The following SESN1 variants were observed in gnomAD, a reference collection of about 807,000 sequenced individuals.
SESN1 encodes the protein sestrin-1.
In SESN1, 30 loss-of-function variants were observed where a neutral mutation model predicts 59.3. The observed-to-expected ratio is 0.51, with a 90% CI of 0.38 to 0.69. The LOEUF is 0.69. Among genes scored for constraint, SESN1 ranks in the 30% least tolerant of loss-of-function variants. The pLI, the probability that SESN1 is intolerant of heterozygous loss-of-function variation, is 0.00. For synonymous variants in SESN1, 197 were observed against 219.9 expected, an observed-to-expected ratio of 0.90 and a Z score of 0.92; for missense variants, 566 against 673.0, an observed-to-expected ratio of 0.84 and a Z score of 1.76.
At chr6:108,999,316 CCTTA>C (rs749873568) in intron 4 of SESN1, among the ~76,000 whole-genome samples, 50 of 151,994 alleles carry the variant, frequency 3.3e-4, no homozygotes, top group African/African-American at 1.0e-3. Context: ...TATAATTTTT[CCTTA>C]CTTGACAATA....
At chr6:109,091,303 G>A (rs1781314206) in intron 1 of SESN1, among the ~76,000 whole-genome samples, 1 of 152,182 alleles carries the variant, frequency 6.6e-6, no homozygotes, top group Non-Finnish European at 1.5e-5. Flanking sequence ...CATAGCCTAG[G>A]TGTGTAGTAT....
intron 1 of SESN1, among the ~76,000 whole-genome samples, chr6:109,063,052 GTA>G (rs1424810646): frequency 2.0e-5 from 3 of 152,142 alleles, no homozygotes; most frequent in Admixed American, 2.0e-4. Flanking sequence ...ATGTCTGAAA[GTA>G]TACCAAACGA....
chr6:109,009,448 C>A, intron 1 of SESN1: 1 of 1,339,186 alleles, frequency 7.5e-7, no homozygotes, highest in South Asian at 1.9e-5. Context: ...TTCGCGGCGG[C>A]GGCCAAGCGC....
intron 1 of SESN1, among the ~76,000 whole-genome samples, chr6:109,089,642 C>T (rs1438255460): frequency 1.3e-5 from 2 of 152,172 alleles, no homozygotes; most frequent in African/African-American, 2.4e-5. Flanking sequence ...AATTGACCCC[C>T]TGCCACTCTT....
chr6:109,037,285 T>G (rs964761408), intron 1 of SESN1, among the ~76,000 whole-genome samples: 13 of 152,190 alleles, frequency 8.5e-5, no homozygotes, highest in African/African-American at 3.1e-4. Context: ...AAAAATTTTG[T>G]TTTTTCTCTT....
In SESN1 at chr6:109,061,188, T is replaced by C. The variant is rs1780724848; in HGVS notation, c.279+32607A>G. 2.0e-5 allele frequency among the ~76,000 whole-genome samples: 3 copies of C among 152,110 alleles called. No homozygotes were observed. The South Asian group carries it at 6.2e-4, about 31-fold the overall frequency. On this transcript the variant is annotated intron_variant, in intron 1 of 9. Coordinates refer to ENST00000436639, the MANE Select transcript of SESN1 (RefSeq NM_014454.3). ...GTTACTCTTAATTTTATATTTCCCT[T>C]AGGAAAAAAGAACAATGTACTAATA...
At chr6:109,086,244 G>A (rs767599547) in intron 1 of SESN1, among the ~76,000 whole-genome samples, 1 of 151,976 alleles carries the variant, frequency 6.6e-6, no homozygotes, top group East Asian at 1.9e-4. Context: ...CCAGCTACTC[G>A]GGAGGCTGAG....
chr6:109,011,050 G>A (rs1217645945), intron 1 of SESN1, among the ~76,000 whole-genome samples: 1 of 152,200 alleles, frequency 6.6e-6, no homozygotes, highest in Non-Finnish European at 1.5e-5. Context: ...GTTGAGGTAT[G>A]ATTTTATTTC....
At chr6:109,077,016 T>C (rs1781041985) in intron 1 of SESN1, among the ~76,000 whole-genome samples, 1 of 152,236 alleles carries the variant, frequency 6.6e-6, no homozygotes, top group Admixed American at 6.5e-5. Context: ...CGAACTTCTA[T>C]AGCATGTTGC....
At chr6:109,009,061 T>C in intron 1 of SESN1, 7 of 946,320 alleles carry the variant, frequency 7.4e-6, no homozygotes, top group Non-Finnish European at 8.0e-6. Flanking sequence ...ATTTACGTAT[T>C]GGAGACTTTC....
intron 9 of SESN1, 62 bp from the exon 10 acceptor site, chr6:108,987,692 G>A (rs576569973): frequency 9.1e-6 from 8 of 881,898 alleles, no homozygotes; most frequent in East Asian, 2.4e-5. Flanking sequence ...CAGTTTTTCA[G>A]TGAATCTAAT....
At chr6:109,006,438 TC>T (rs1187429115) in intron 1 of SESN1, among the ~76,000 whole-genome samples, 1 of 143,282 alleles carries the variant, frequency 7.0e-6, no homozygotes, top group African/African-American at 2.6e-5. Flanking sequence ...CCTAATGCTA[TC>T]CCTCCCCCCA....
At chr6:109,077,808 T>C (rs1177211292) in intron 1 of SESN1, among the ~76,000 whole-genome samples, 1 of 152,210 alleles carries the variant, frequency 6.6e-6, no homozygotes, top group Non-Finnish European at 1.5e-5. Flanking sequence ...AAAGATCTCT[T>C]CCTCAAAACC....
At chr6:109,075,635 A>T (rs1307907021) in intron 1 of SESN1, among the ~76,000 whole-genome samples, 2 of 151,732 alleles carry the variant, frequency 1.3e-5, no homozygotes, top group African/African-American at 2.4e-5. Flanking sequence ...TTGGATGAAA[A>T]CTCTTCCCAA....
chr6:109,006,210 A>G (rs1356490264), intron 1 of SESN1, among the ~76,000 whole-genome samples: 1 of 152,206 alleles, frequency 6.6e-6, no homozygotes, highest in Non-Finnish European at 1.5e-5. Flanking sequence ...GAAAAAGTCA[A>G]GAGTCTTAGA....
In SESN1 at chr6:108,985,346, T is replaced by C. The variant is rs1779156024; in HGVS notation, c.*2198A>G. On this transcript the variant is annotated 3_prime_UTR_variant, in exon 10 of 10. Transcript: ENST00000436639. ...TCAACCAGAAATCTTCTCATGATTA[T>C]TTTAGAAGAAAATTTTCCTCTGGTT... 6.6e-6 allele frequency among the ~76,000 whole-genome samples: 1 copy of C among 152,164 alleles called. No individual in the cohort carries two copies. Among genetic ancestry groups the C allele is most frequent in the Non-Finnish European group, 1.5e-5 (1 of 68,018 alleles).
At chr6:109,069,610 T>C (rs977370925) in intron 1 of SESN1, among the ~76,000 whole-genome samples, 17 of 152,126 alleles carry the variant, frequency 1.1e-4, no homozygotes, top group African/African-American at 3.4e-4. Context: ...GATACAATCA[T>C]AGCTCACTGT....
At chr6:109,032,433 A>G (rs534891464) in intron 1 of SESN1, among the ~76,000 whole-genome samples, 1 of 152,206 alleles carries the variant, frequency 6.6e-6, no homozygotes, top group Non-Finnish European at 1.5e-5. Context: ...CCTGGCCAAC[A>G]TAGTGAAACC....
chr6:109,000,609 C>G lies in SESN1; in HGVS notation c.611G>C (p.Gly204Ala). ...ACCATTGAGCCACTTGGGGTCCCCACCAACATGAAGGAAATCATTTACATG... is the reference window on the plus strand; with the variant it reads ...ACCATTGAGCCACTTGGGGTCCCCAGCAACATGAAGGAAATCATTTACATG... ...NLHVNDFLHV[G>A]GDPKWLNGLE... Residue 204 changes from glycine to alanine, a missense_variant, in exon 4 of 10, where the codon GGT (glycine) becomes GCT (alanine). Gly to Ala is a moderately conservative substitution (Grantham distance 60). Coordinates refer to ENST00000436639, the MANE Select transcript of SESN1 (RefSeq NM_014454.3). The G allele has an allele frequency of 6.2e-7, 1 of 1,612,046 alleles. No individual in the cohort carries two copies. Among genetic ancestry groups the G allele is most frequent in the Non-Finnish European group, 8.5e-7 (1 of 1,178,872 alleles).
Sources: gnomAD v4.1 joint callset for allele counts (sites outside exome capture counted in the v4.1 genomes callset) on GRCh38, gnomAD v4.1.1 for gene constraint, MANE v1.5 for transcripts, NCBI Gene and HGNC (gene_info 2026-07-23, HGNC 2026-07-21) for gene names.